SRBD1: variants seen among roughly 807,000 people sequenced by gnomAD.
The protein encoded by SRBD1 is S1 RNA-binding domain-containing protein 1.
In SRBD1, 88 loss-of-function variants were observed where a neutral mutation model predicts 115.3. That is an observed-to-expected ratio of 0.76 (90% CI 0.64 to 0.91). The LOEUF (loss-of-function observed/expected upper bound fraction) is 0.91. Ranked by LOEUF, SRBD1 falls within the 40% of genes least tolerant of loss-of-function variation. The probability of loss-of-function intolerance (pLI) is 0.00; values close to 1 mark genes in which losing one functional copy is unlikely to be tolerated. For synonymous variants in SRBD1, 509 were observed against 407.7 expected (o/e 1.25, Z -2.99); for missense variants, 1,385 against 1,177.4 (o/e 1.18, Z -2.58).
At chr2:45,491,986 T>C (rs1402572966) in intron 14 of SRBD1, among the ~76,000 whole-genome samples, 9 of 152,070 alleles carry the variant, frequency 5.9e-5, no homozygotes, top group Non-Finnish European at 1.2e-4. Flanking sequence ...CATGCCCAGC[T>C]AATTTTTGTA....
intron 15 of SRBD1, among the ~76,000 whole-genome samples, chr2:45,478,680 C>A (rs775909124): frequency 8.5e-5 from 13 of 152,118 alleles, no homozygotes; most frequent in Non-Finnish European, 1.6e-4. Flanking sequence ...TTCTCTAAAG[C>A]AAATATTATT....
chr2:45,456,417 G>A (rs1200745582), intron 16 of SRBD1, among the ~76,000 whole-genome samples: 2 of 151,872 alleles, frequency 1.3e-5, no homozygotes, highest in Non-Finnish European at 2.9e-5. Context: ...ACAGTTAAGT[G>A]ATGGTAAAAA....
intron 19 of SRBD1, among the ~76,000 whole-genome samples, chr2:45,407,804 G>GA (rs989680187): frequency 4.0e-5 from 6 of 151,468 alleles, no homozygotes; most frequent in African/African-American, 1.5e-4. Context: ...TAAACAAGTA[G>GA]AAAAAAATGC....
intron 19 of SRBD1, among the ~76,000 whole-genome samples, chr2:45,411,490 G>A (rs1409249251): frequency 2.0e-5 from 3 of 152,148 alleles, no homozygotes; most frequent in African/African-American, 7.2e-5. Flanking sequence ...TTGTATGGTA[G>A]AGGGAGAAAA....
chr2:45,521,570 C>G (rs1671284304), intron 14 of SRBD1, among the ~76,000 whole-genome samples: 3 of 151,946 alleles, frequency 2.0e-5, no homozygotes, highest in Admixed American at 2.0e-4. Context: ...TAAAATGGTG[C>G]AGCCATTATG....
chr2:45,503,710 A>C (rs971602144), intron 14 of SRBD1, among the ~76,000 whole-genome samples: 2 of 152,230 alleles, frequency 1.3e-5, no homozygotes, highest in Non-Finnish European at 2.9e-5. Context: ...CAACAAATGT[A>C]AAATATGTTT....
At chr2:45,522,460 G>T (rs1449714916) in intron 14 of SRBD1, among the ~76,000 whole-genome samples, 1 of 152,170 alleles carries the variant, frequency 6.6e-6, no homozygotes, top group African/African-American at 2.4e-5. Context: ...TTATGGGCAT[G>T]AGCCATGCAT....
At chr2:45,492,883 A>G (rs1670342488) in intron 14 of SRBD1, among the ~76,000 whole-genome samples, 1 of 152,218 alleles carries the variant, frequency 6.6e-6, no homozygotes. Flanking sequence ...AATAAATTAC[A>G]TGCTCTTTTA....
chr2:45,591,747 A>C (rs1431086279), intron 4 of SRBD1, among the ~76,000 whole-genome samples: 1 of 152,152 alleles, frequency 6.6e-6, no homozygotes, highest in African/African-American at 2.4e-5. Flanking sequence ...CAATTATCAC[A>C]TTGCCTCTCT....
chr2:45,393,473 T>C (rs924025924), intron 19 of SRBD1, among the ~76,000 whole-genome samples: 1 of 152,178 alleles, frequency 6.6e-6, no homozygotes, highest in Non-Finnish European at 1.5e-5. Context: ...CTCCGCCTCC[T>C]GGGTTCACGC....
intron 19 of SRBD1, among the ~76,000 whole-genome samples, chr2:45,399,120 C>G (rs944312353): frequency 2.0e-5 from 3 of 152,058 alleles, no homozygotes; most frequent in African/African-American, 7.2e-5. Context: ...GCCTGATCAC[C>G]CTTTTCCTGT....
At chr2:45,396,071 G>T (rs1238642545) in intron 19 of SRBD1, among the ~76,000 whole-genome samples, 3 of 151,970 alleles carry the variant, frequency 2.0e-5, no homozygotes, top group African/African-American at 7.3e-5. Flanking sequence ...GTTCTAAATA[G>T]ATTTTTCTCG....
At chr2:45,403,331 C>A (rs201478994) in intron 19 of SRBD1, among the ~76,000 whole-genome samples, 13 of 149,806 alleles carry the variant, frequency 8.7e-5, no homozygotes, top group Non-Finnish European at 5.9e-5. Context: ...TTAGATTATA[C>A]AAAAAAAAAA....
chr2:45,564,141 C>G (rs1467273406), intron 9 of SRBD1, among the ~76,000 whole-genome samples: 1 of 152,012 alleles, frequency 6.6e-6, no homozygotes, highest in Non-Finnish European at 1.5e-5. Context: ...GATTTAACAT[C>G]TAAAAAATCA....
intron 14 of SRBD1, among the ~76,000 whole-genome samples, chr2:45,504,462 T>C (rs1290586068): frequency 6.6e-6 from 1 of 152,158 alleles, no homozygotes; most frequent in Non-Finnish European, 1.5e-5. Context: ...ATCTCTGTGA[T>C]GTAATCAGAC....
chr2:45,523,801 G>A (rs1466883048), intron 14 of SRBD1, among the ~76,000 whole-genome samples: 1 of 151,458 alleles, frequency 6.6e-6, no homozygotes, highest in Non-Finnish European at 1.5e-5. Context: ...AAACAGGAGG[G>A]GAGAACACTT....
chr2:45,532,432 A>T (rs1671641728), intron 14 of SRBD1, among the ~76,000 whole-genome samples: 1 of 151,874 alleles, frequency 6.6e-6, no homozygotes, highest in Non-Finnish European at 1.5e-5. Context: ...GGTCACGTCT[A>T]GAATTACAGC....
intron 20 of SRBD1, among the ~76,000 whole-genome samples, chr2:45,390,575 G>A (rs1356676005): frequency 6.6e-6 from 1 of 152,120 alleles, no homozygotes; most frequent in African/African-American, 2.4e-5. Context: ...GGATTACTGA[G>A]TGTTGACTCT....
chr2:45,500,443 G>A (rs74694701), intron 14 of SRBD1, among the ~76,000 whole-genome samples: 1 of 149,534 alleles, frequency 6.7e-6, no homozygotes, highest in African/African-American at 2.5e-5. Context: ...TTTTTTTTAA[G>A]ACAAGGTCTG....
Sources: allele counts gnomAD v4.1 joint callset (sites outside exome capture counted in the v4.1 genomes callset), GRCh38; gene constraint gnomAD v4.1.1; transcripts MANE v1.5; gene names NCBI Gene and HGNC (gene_info 2026-07-23, HGNC 2026-07-21).